EFCAB12: variants seen among roughly 807,000 people sequenced by gnomAD.
The protein encoded by EFCAB12 is EF-hand calcium binding domain 12.
EFCAB12 carries 43 observed loss-of-function variants against 53.6 expected under a neutral mutation model. That is an observed-to-expected ratio of 0.80 (90% confidence interval 0.63 to 1.03). EFCAB12 has a LOEUF of 1.03. Ranked by LOEUF, EFCAB12 falls within the 50% of genes least tolerant of loss-of-function variation. The pLI is 0.00. For missense variants in EFCAB12, 646 were observed against 730.6 expected, an observed-to-expected ratio of 0.88 and a Z score of 1.34; for synonymous variants, 269 against 289.2, an observed-to-expected ratio of 0.93 and a Z score of 0.71.
intron 1 of EFCAB12, among the ~76,000 whole-genome samples, chr3:129,426,531 A>G (rs1443918397): frequency 6.6e-6 from 1 of 151,044 alleles, no homozygotes; most frequent in Non-Finnish European, 1.5e-5. Context: ...CGACCGGCTA[A>G]TTTTTTGTAT....
At chr3:129,414,681 G>C (rs1204563044) in intron 4 of EFCAB12, 1 of 152,184 alleles carries the variant, frequency 6.6e-6, no homozygotes, top group Non-Finnish European at 1.5e-5. Context: ...TTTCTAATTT[G>C]CCTCTGTGCC....
chr3:129,426,333 T>C (rs900205430), intron 1 of EFCAB12, among the ~76,000 whole-genome samples: 1 of 151,548 alleles, frequency 6.6e-6, no homozygotes, highest in Admixed American at 6.6e-5. Context: ...ACATCTCCAC[T>C]TGGATGGCTT....
At chr3:129,409,134 C>T (rs2071996445) in intron 5 of EFCAB12, among the ~76,000 whole-genome samples, 2 of 152,212 alleles carry the variant, frequency 1.3e-5, no homozygotes, top group African/African-American at 4.8e-5. Context: ...AGTACACATG[C>T]CCTAGAGGCG....
chr3:129,418,542 G>A (rs545830296), intron 2 of EFCAB12, 94 bp from the exon 3 acceptor site: 12 of 1,189,664 alleles, frequency 1.0e-5, no homozygotes, highest in Admixed American at 8.4e-5. Flanking sequence ...AGGAGAGGAC[G>A]AGCAGCTCTA....
rs751539888 is a variant in EFCAB12 at position 129,401,701 on chromosome 3, G to A, written c.1611C>T (p.Pro537=). ...LALFSCVQHQ[P]HVYPATYHPD... ...GGTGGTAGGTGGCTGGGTAGACATG[G>A]GGCTGGTGTTGAACACAACTGAAGA... The change falls in exon 9 of 9, where the codon CCC becomes CCT. Residue 537 remains proline, a synonymous_variant. Coordinates refer to ENST00000505956, the MANE Select transcript of EFCAB12 (RefSeq NM_207307.3). 3 of 1,594,042 alleles carry A rather than the reference G, an allele frequency of 1.9e-6. No homozygotes were observed. The South Asian group carries it at 3.4e-5, about 18-fold the overall frequency.
intron 5 of EFCAB12, among the ~76,000 whole-genome samples, chr3:129,410,783 T>A (rs2072026753): frequency 6.6e-6 from 1 of 152,172 alleles, no homozygotes; most frequent in Non-Finnish European, 1.5e-5. Context: ...ACAAGCTAAT[T>A]CATGCAATCA....
chr3:129,426,817 C>T (rs1036996023), intron 1 of EFCAB12, among the ~76,000 whole-genome samples: 1 of 150,176 alleles, frequency 6.7e-6, no homozygotes, highest in East Asian at 2.0e-4. Context: ...GCTGGGACTA[C>T]AGGTGCATGC....
rs1432631303 is a variant in EFCAB12 at position 129,408,686 on chromosome 3, T to G, written c.1208A>C (p.Lys403Thr). ...LVYLQCWKLCKSYGLPLTEDI... is the reference protein window; with the variant it reads ...LVYLQCWKLCTSYGLPLTEDI... ...CTCTGTCAGCGGGAGGCCATAGGAC[T>G]TACAGAGCTTCCAGCATTGCAGGTA... The change falls in exon 6 of 9, where the codon AAG becomes ACG. Residue 403 changes from lysine (K) to threonine (T), a missense_variant. Physicochemically the swap from Lys to Thr is moderately conservative, Grantham distance 78. Transcript: ENST00000505956. 6.3e-7 allele frequency: 1 copy of G among 1,587,226 alleles called. No individual in the cohort carries two copies. Among genetic ancestry groups the G allele is most frequent in the African/African-American group, 1.3e-5 (1 of 74,378 alleles).
At position 129,421,745 on chromosome 3, in the gene EFCAB12, C is replaced by T. The variant is rs369063445; in HGVS notation, c.108G>A (p.Pro36=). ...NENAPVFDPE[P]VIAHCFKQFQ... ...ACTGCTTGAAGCAGTGGGCAATGAC[C>T]GGTTCAGGATCAAAGACGGGAGCAT... Residue 36 remains proline, a synonymous_variant, in exon 2 of 9, where the codon CCG becomes CCA. Coordinates refer to ENST00000505956, the MANE Select transcript of EFCAB12 (RefSeq NM_207307.3). 2.2e-5 allele frequency: 36 copies of T among 1,613,664 alleles called. No individual in the cohort carries two copies. The Admixed American group carries it at 3.8e-4, about 17-fold the overall frequency.
intron 5 of EFCAB12, among the ~76,000 whole-genome samples, chr3:129,409,456 A>C (rs911903472): frequency 2.6e-5 from 4 of 152,110 alleles, no homozygotes; most frequent in Non-Finnish European, 4.4e-5. Flanking sequence ...AAGAAAAGAA[A>C]AGAAGAGAAG....
At position 129,408,835 on chromosome 3, in the gene EFCAB12, G is replaced by A. The variant is rs375975506; in HGVS notation, c.1059C>T (p.Tyr353=). The part of the protein sequence containing the change: ...QHKLTIPSIQ[Y]TEQCHLVRCG... The stretch of plus-strand genomic sequence containing the variant: ...AGCGCACCAGGTGACATTGCTCCGT[G>A]TACTGGATGGAGGGGATCGTGAGCT... Residue 353 remains tyrosine (Y), a synonymous_variant, in exon 6 of 9, where the codon TAC becomes TAT. Coordinates refer to ENST00000505956, the MANE Select transcript of EFCAB12 (RefSeq NM_207307.3). The A allele has an allele frequency of 6.6e-5, 104 of 1,572,776 alleles. No individual in the cohort carries two copies. Among genetic ancestry groups the A allele is most frequent in the Non-Finnish European group, 8.7e-5 (101 of 1,159,086 alleles).
intron 1 of EFCAB12, among the ~76,000 whole-genome samples, chr3:129,426,708 G>C (rs938102860): frequency 1.3e-5 from 2 of 151,764 alleles, no homozygotes; most frequent in Admixed American, 6.6e-5. Context: ...ACAGGGTCTT[G>C]CTCTGTTCCC....
At chr3:129,421,312 T>C in intron 2 of EFCAB12, 55 bp downstream of exon 2, 1 of 1,503,276 alleles carries the variant, frequency 6.7e-7, no homozygotes, top group Non-Finnish European at 8.9e-7. Flanking sequence ...GGGAATAAAA[T>C]AATGATGCAT....
At chr3:129,401,926 CAACT>C (rs1214207432) in intron 8 of EFCAB12, 75 bp from the exon 9 acceptor site, 1 of 1,527,058 alleles carries the variant, frequency 6.5e-7, no homozygotes, top group African/African-American at 1.4e-5. Flanking sequence ...CAGAGCCCAC[CAACT>C]GTGACCAAAG....
rs796787007 is a variant in EFCAB12, at chr3:129,411,086, G to A, written c.1035+72C>T. 6.0e-6 allele frequency: 9 copies of A among 1,490,916 alleles called. No individual in the cohort carries two copies. The African/African-American group carries it at 1.2e-4, about 21-fold the overall frequency. The allele number at this position is 1,490,916 out of a possible 1,614,324, so 92.4% of individuals were successfully genotyped here. On this transcript the variant is annotated intron_variant, in intron 5 of 8. Transcript: ENST00000505956. ...CAGGGTTCTGCAGCCAGCGGGTGGT[G>A]CTGCTGCGGTGATCTGAACCCCAGC...
chr3:129,428,037 C>T (rs990350426), intron 1 of EFCAB12, among the ~76,000 whole-genome samples: 1 of 152,192 alleles, frequency 6.6e-6, no homozygotes, highest in African/African-American at 2.4e-5. Flanking sequence ...TCCCTGGGCC[C>T]GGCATTTACC....
At chr3:129,416,081 C>A (rs1245544604) in intron 3 of EFCAB12, among the ~76,000 whole-genome samples, 1 of 152,188 alleles carries the variant, frequency 6.6e-6, no homozygotes, top group Non-Finnish European at 1.5e-5. Flanking sequence ...CTGTGCCTAG[C>A]CTTGATCAGA....
rs1200066120 is a variant in EFCAB12 at position 129,415,357 on chromosome 3, G to A, written c.726C>T (p.Ile242=). ...LKNQEVEDIV[I]YLSSLGKHNT... ...TGTGCTTCCCAAGAGAGCTGAGGTA[G>A]ATCACTATATCCTCCACCTCTTGGT... Residue 242 remains isoleucine, a synonymous_variant, in exon 4 of 9, where the codon ATC becomes ATT. Coordinates refer to ENST00000505956, the MANE Select transcript of EFCAB12 (RefSeq NM_207307.3). 1 of 1,613,812 alleles carries A rather than the reference G, an allele frequency of 6.2e-7. No individual in the cohort carries two copies. Among genetic ancestry groups the A allele is most frequent in the Non-Finnish European group, 8.5e-7 (1 of 1,179,848 alleles).
At position 129,421,726 on chromosome 3, in the gene EFCAB12, T is replaced by C; in HGVS notation, c.127A>G (p.Lys43Glu). 7 of 1,613,852 alleles carry C rather than the reference T, an allele frequency of 4.3e-6. No individual in the cohort carries two copies. Among genetic ancestry groups the C allele is most frequent in the Non-Finnish European group, 5.9e-6 (7 of 1,179,864 alleles). ...CGGAAGTCCTTCTGCTGGAACTGCT[T>C]GAAGCAGTGGGCAATGACCGGTTCA... ...DPEPVIAHCFKQFQQKDFRLP... is the reference protein window; with the variant it reads ...DPEPVIAHCFEQFQQKDFRLP... Residue 43 changes from lysine (K) to glutamate (E), a missense_variant, in exon 2 of 9, where the codon AAG becomes GAG. Physicochemically the swap from Lys to Glu is moderately conservative, Grantham distance 56. Transcript: ENST00000505956.
Sources: allele counts gnomAD v4.1 joint callset (sites outside exome capture counted in the v4.1 genomes callset), GRCh38; gene constraint gnomAD v4.1.1; transcripts MANE v1.5; gene names NCBI Gene and HGNC (gene_info 2026-07-23, HGNC 2026-07-21).